Variants in KDM4B observed in about 807,000 individuals in gnomAD.
The protein encoded by KDM4B is lysine-specific demethylase 4B.
KDM4B carries 32 observed loss-of-function variants against 125.2 expected under a neutral mutation model. The ratio of observed to expected loss-of-function variants is 0.26; its 90% CI spans 0.19 to 0.34. The LOEUF (loss-of-function observed/expected upper bound fraction) is 0.34, where lower values mean the gene tolerates loss of function less well. Ranked by LOEUF, KDM4B falls within the 10% of genes least tolerant of loss-of-function variation. The pLI, the probability that KDM4B is intolerant of heterozygous loss-of-function variation, is 1.00. For synonymous variants in KDM4B, 721 were observed against 677.9 expected (o/e 1.06, Z -0.99); for missense variants, 1,190 against 1,577.7 (o/e 0.75, Z 4.16).
At chr19:4,992,636 G>C (rs1270190405) in intron 1 of KDM4B, among the ~76,000 whole-genome samples, 2 of 152,054 alleles carry the variant, frequency 1.3e-5, no homozygotes, top group South Asian at 2.1e-4. Flanking sequence ...ATTTTGTGGA[G>C]AGGAGGTCTC....
chr19:5,097,584 T>C (rs948348671), intron 9 of KDM4B, among the ~76,000 whole-genome samples: 3 of 152,074 alleles, frequency 2.0e-5, no homozygotes, highest in Non-Finnish European at 4.4e-5. Context: ...GCTCCTTCGG[T>C]CCTGATGGGG....
chr19:5,107,969 A>G (rs1479557032), intron 9 of KDM4B, among the ~76,000 whole-genome samples: 1 of 151,954 alleles, frequency 6.6e-6, no homozygotes, highest in Non-Finnish European at 1.5e-5. Flanking sequence ...CCCAGCCGCC[A>G]CCTCCTTCCA....
intron 1 of KDM4B, among the ~76,000 whole-genome samples, chr19:5,004,585 T>C (rs1284432477): frequency 6.6e-6 from 1 of 152,172 alleles, no homozygotes; most frequent in Non-Finnish European, 1.5e-5. Context: ...CCGGTGTGCA[T>C]GTGTGCTGCC....
chr19:5,126,768 C>T (rs964788627), intron 11 of KDM4B, among the ~76,000 whole-genome samples: 2 of 152,200 alleles, frequency 1.3e-5, no homozygotes, highest in Non-Finnish European at 2.9e-5. Context: ...GGGTTCAGCA[C>T]GGGAGGGTGG....
In KDM4B at chr19:5,135,319, A is replaced by G. The variant is rs761489821; in HGVS notation, c.2086-20A>G. Reference sequence around the variant, plus strand: ...CCCCACACATGGCTCTGTCCCCTGAAGGTCGCCTCTCCCCTACAGGCCCTA... The same window carrying G: ...CCCCACACATGGCTCTGTCCCCTGAGGGTCGCCTCTCCCCTACAGGCCCTA... On this transcript the variant is annotated intron_variant, in intron 14 of 22. Transcript: ENST00000159111. The G allele has an allele frequency of 5.1e-6, 8 of 1,560,240 alleles. No homozygotes were observed. Among genetic ancestry groups the G allele is most frequent in the Non-Finnish European group, 7.1e-6 (8 of 1,132,612 alleles).
At chr19:5,103,981 C>T (rs952745487) in intron 9 of KDM4B, among the ~76,000 whole-genome samples, 8 of 152,370 alleles carry the variant, frequency 5.3e-5, no homozygotes, top group East Asian at 1.9e-4. Context: ...CTTGGCCACC[C>T]GCACATCATG....
At chr19:5,070,752 G>T in intron 6 of KDM4B, 1 of 417,738 alleles carries the variant, frequency 2.4e-6, no homozygotes, top group Non-Finnish European at 4.3e-6. Flanking sequence ...CCCCACTCCT[G>T]GCTTTCTGAG....
chr19:5,119,091 A>G (rs2039310275), intron 10 of KDM4B: 3 of 1,421,206 alleles, frequency 2.1e-6, no homozygotes, highest in Non-Finnish European at 2.8e-6. Flanking sequence ...AGTCCTAGAG[A>G]AAAAACCCGT....
intron 1 of KDM4B, among the ~76,000 whole-genome samples, chr19:4,994,262 G>C (rs146291575): frequency 6.8e-6 from 1 of 148,056 alleles, no homozygotes; most frequent in Non-Finnish European, 1.5e-5. Flanking sequence ...CAGCCTGTTC[G>C]TATCTTTGAA....
rs747624887 is a variant in KDM4B at position 5,141,716 on chromosome 19, C to A, written c.2551-2251C>A. Among the ~76,000 whole-genome samples the A allele has an allele frequency of 6.6e-6, 1 of 152,206 alleles. No homozygotes were observed. The highest frequency in any genetic ancestry group is 1.9e-4 in the East Asian group (1 of 5,192). On this transcript the variant is annotated intron_variant, in intron 18 of 22. Transcript: ENST00000159111. The surrounding 1 kb of genome is among the most constrained non-coding windows in gnomAD (Gnocchi z 6.4). Reference sequence around the variant, plus strand: ...GGTGAGTCAGGGGGCTCCGGCTGGCCGCCCGCCTGGGCCAAGTTATCACCA... The same window carrying A: ...GGTGAGTCAGGGGGCTCCGGCTGGCAGCCCGCCTGGGCCAAGTTATCACCA...
chr19:5,087,779 A>G (rs1174782843), intron 9 of KDM4B, among the ~76,000 whole-genome samples: 1 of 152,092 alleles, frequency 6.6e-6, no homozygotes, highest in African/African-American at 2.4e-5. Context: ...TCTTAAGCAC[A>G]CAGGTGTTAA....
intron 1 of KDM4B, among the ~76,000 whole-genome samples, chr19:4,984,286 A>C (rs549791079): frequency 2.4e-4 from 36 of 152,266 alleles, no homozygotes; most frequent in African/African-American, 7.9e-4. Flanking sequence ...CTGTGAATAG[A>C]GGTGCTGCAC....
At chr19:5,019,532 TG>T (rs1320857524) in intron 2 of KDM4B, among the ~76,000 whole-genome samples, 3 of 119,430 alleles carry the variant, frequency 2.5e-5, no homozygotes, top group Admixed American at 8.9e-5. Context: ...GTGCACGTAT[TG>T]GTGTGCAGGT....
chr19:5,066,562 C>G (rs181025247), intron 6 of KDM4B, among the ~76,000 whole-genome samples: 6 of 152,362 alleles, frequency 3.9e-5, no homozygotes, highest in Non-Finnish European at 8.8e-5. Flanking sequence ...ATTTGTCTCT[C>G]CCATTGTTTT....
At chr19:5,127,028 G>T (rs532056408) in intron 11 of KDM4B, among the ~76,000 whole-genome samples, 1 of 152,214 alleles carries the variant, frequency 6.6e-6, no homozygotes, top group Non-Finnish European at 1.5e-5. Flanking sequence ...AAACCCCGGC[G>T]CTGGGGAGGA....
Position 4,990,379 on chromosome 19 carries a change from G to T in KDM4B, c.-109+21149G>T, listed in dbSNP as rs73538576. 4.2e-3 allele frequency among the ~76,000 whole-genome samples: 643 copies of T among 152,292 alleles called. 8 individuals carry two copies. The highest frequency in any genetic ancestry group is 0.015 in the African/African-American group (612 of 41,572). On this transcript the variant is annotated intron_variant, in intron 1 of 22. Coordinates refer to ENST00000159111, the MANE Select transcript of KDM4B (RefSeq NM_015015.3). ...ACTTAGAAAGGGAGACACTTGTGTG[G>T]AGCCCGAGGCAGACATGCCCTGACT...
intron 10 of KDM4B, among the ~76,000 whole-genome samples, chr19:5,118,257 A>G (rs2039294679): frequency 6.6e-6 from 1 of 152,170 alleles, no homozygotes; most frequent in Non-Finnish European, 1.5e-5. Context: ...GTCTGAGCCC[A>G]TGGGGACAGG....
chr19:5,086,012 C>T (rs768228758), intron 9 of KDM4B, among the ~76,000 whole-genome samples: 12 of 152,290 alleles, frequency 7.9e-5, no homozygotes, highest in Admixed American at 2.6e-4. Flanking sequence ...GCCCAGAACC[C>T]CCCTTTTCTG....
At position 5,137,357 on chromosome 19, in the gene KDM4B, CG is replaced by C. The variant is rs2146080679; in HGVS notation, c.2385+24del. 1 of 1,549,722 alleles carries C rather than the reference CG, an allele frequency of 6.5e-7. No homozygotes were observed. On this transcript the variant is annotated intron_variant, in intron 16 of 22. Transcript: ENST00000159111. ...GACTGCGGTAACTCGCTCCCCGCAG[CG>C]GGGGTGGTGCTCTGAGAGGCCTGGG... is the stretch of plus-strand genomic sequence containing the variant.
Sources: allele counts gnomAD v4.1 joint callset (sites outside exome capture counted in the v4.1 genomes callset), GRCh38; gene constraint gnomAD v4.1.1; non-coding constraint Gnocchi (gnomAD v3.1); transcripts MANE v1.5; gene names NCBI Gene and HGNC (gene_info 2026-07-23, HGNC 2026-07-21).